NUDT12: variants seen among roughly 807,000 people sequenced by gnomAD.
NUDT12 encodes NAD-capped RNA hydrolase NUDT12.
A neutral mutation model predicts 45.7 loss-of-function variants in NUDT12; 42 were observed. The observed-to-expected ratio is 0.92, with a 90% CI of 0.72 to 1.19. The LOEUF is 1.19. NUDT12 is among the 50% of genes most tolerant of loss of function. The probability of loss-of-function intolerance (pLI) is 0.00; values close to 1 mark genes in which losing one functional copy is unlikely to be tolerated. For missense variants in NUDT12, 590 were observed against 533.1 expected (o/e 1.11, Z -1.05); for synonymous variants, 206 against 179.7 (o/e 1.15, Z -1.17).
chr5:103,550,996 A>G (rs761504695), intron 6 of NUDT12, 25 bp from the exon 7 acceptor site: 6 of 1,497,300 alleles, frequency 4.0e-6, no homozygotes, highest in Non-Finnish European at 4.6e-6. Context: ...AATAGAATGC[A>G]TTAGGATTTC....
In NUDT12 at chr5:103,552,296, C is replaced by A. The variant is rs1212740879; in HGVS notation, c.1199G>T (p.Cys400Phe). The A allele has an allele frequency of 6.2e-7, 1 of 1,613,906 alleles. No individual in the cohort carries two copies. The highest frequency in any genetic ancestry group is 1.1e-5 in the South Asian group (1 of 91,074). ...TTCTGTAGACACTGCTAGAGCTAAGCAACCAATCATTAAGGAGGAAGGCAT... is the reference window on the plus strand; with the variant it reads ...TTCTGTAGACACTGCTAGAGCTAAGAAACCAATCATTAAGGAGGAAGGCAT... Reference protein sequence around the residue: ...WPMPSSLMIGCLALAVSTEIK... With the variant: ...WPMPSSLMIGFLALAVSTEIK... Residue 400 changes from cysteine (C) to phenylalanine (F), a missense_variant, in exon 6 of 7, where the codon TGC becomes TTC. Cys to Phe is a radical substitution (Grantham distance 205). Coordinates refer to ENST00000230792, the MANE Select transcript of NUDT12 (RefSeq NM_031438.4).
intron 4 of NUDT12, among the ~76,000 whole-genome samples, chr5:103,555,515 T>G (rs1748785731): frequency 6.6e-6 from 1 of 152,036 alleles, no homozygotes. Flanking sequence ...GGTTACCAGA[T>G]TTCCAAATCT....
In NUDT12 at chr5:103,549,360, A is replaced by C. The variant is rs371348747; in HGVS notation, c.*1501T>G. 6 of 152,140 alleles carry C rather than the reference A, an allele frequency of 3.9e-5. No homozygotes were observed. The South Asian group carries it at 6.2e-4, about 16-fold the overall frequency. The allele number at this position is 152,140 out of a possible 1,614,324, so 9.4% of individuals were successfully genotyped here. On this transcript the variant is annotated 3_prime_UTR_variant, in exon 7 of 7. Transcript: ENST00000230792. ...CCTAAGAAAATCACTGCTCATTAGT[A>C]AAATAAAGTTTTATCTGACAGTTAT...
At chr5:103,552,553 A>G in intron 5 of NUDT12, 137 bp from the exon 6 acceptor site, 1 of 624,304 alleles carries the variant, frequency 1.6e-6, no homozygotes. Context: ...GCCTAAAACT[A>G]GACTGTAATT....
chr5:103,555,003 T>A, intron 4 of NUDT12, 150 bp from the exon 5 acceptor site: 1 of 402,670 alleles, frequency 2.5e-6, no homozygotes, highest in East Asian at 3.7e-5. Flanking sequence ...CTTTCTGCCC[T>A]AATGTAGCTG....
At chr5:103,551,351 C>G (rs1748649222) in intron 6 of NUDT12, among the ~76,000 whole-genome samples, 1 of 152,146 alleles carries the variant, frequency 6.6e-6, no homozygotes, top group Admixed American at 6.5e-5. Flanking sequence ...TGGGCTCAAT[C>G]AAGCTTCCTG....
intron 5 of NUDT12, among the ~76,000 whole-genome samples, chr5:103,554,018 T>TTA (rs573970525): frequency 1.5e-4 from 23 of 152,030 alleles, no homozygotes; most frequent in Non-Finnish European, 2.8e-4. Context: ...TGATACTGTT[T>TTA]TATATATATG....
Position 103,560,072 on chromosome 5 carries a change from T to G in NUDT12, c.177A>C (p.Pro59=). 6.2e-7 allele frequency: 1 copy of G among 1,613,884 alleles called. No homozygotes were observed. Among genetic ancestry groups the G allele is most frequent in the Non-Finnish European group, 8.5e-7 (1 of 1,179,764 alleles). Residue 59 remains proline (P), a synonymous_variant, in exon 2 of 7, where the codon CCA becomes CCC. Transcript: ENST00000230792. ...ALMYAARNGH[P]EIVQFLLEKG... ...TCTCAAGCAGAAATTGGACTATCTC[T>G]GGGTGCCCATTCCTTGCCGCATACA...
chr5:103,559,460 C>A lies in NUDT12; in HGVS notation c.215G>T (p.Arg72Ile). Reference sequence around the variant, plus strand: ...CTGCCTTGATTTATTGACAATTGATCTGTCACACCTATAGATGGAAGAAAA... The same window carrying A: ...CTGCCTTGATTTATTGACAATTGATATGTCACACCTATAGATGGAAGAAAA... Reference protein sequence around the residue: ...VQFLLEKGCDRSIVNKSRQTA... With the variant: ...VQFLLEKGCDISIVNKSRQTA... Residue 72 changes from arginine (R) to isoleucine (I), a missense_variant, in exon 3 of 7, where the codon AGA becomes ATA. Physicochemically the swap from Arg to Ile is moderately conservative, Grantham distance 97 (BLOSUM62 -3). Coordinates refer to ENST00000230792, the MANE Select transcript of NUDT12 (RefSeq NM_031438.4). 6.7e-7 allele frequency: 1 copy of A among 1,488,476 alleles called. No homozygotes were observed. Among genetic ancestry groups the A allele is most frequent in the Non-Finnish European group, 8.9e-7 (1 of 1,118,734 alleles). 92.2% of individuals were successfully genotyped at this position (1,488,476 alleles called of 1,614,324 possible). A position where few individuals can be genotyped will look rare whatever the true frequency, so the allele number is the denominator to read the frequency against.
At chr5:103,559,545 A>C in intron 2 of NUDT12, 77 bp from the exon 3 acceptor site, 1 of 708,206 alleles carries the variant, frequency 1.4e-6, no homozygotes, top group Non-Finnish European at 2.1e-6. Flanking sequence ...TTTCACTAAA[A>C]TATTTCCAGA....
At position 103,559,233 on chromosome 5, in the gene NUDT12, T is replaced by G; in HGVS notation, c.442A>C (p.Thr148Pro). The change falls in exon 3 of 7, where the codon ACA becomes CCA. Residue 148 changes from threonine (T) to proline (P), a missense_variant. By Grantham distance (38) the Thr-to-Pro change is conservative (BLOSUM62 -1). Coordinates refer to ENST00000230792, the MANE Select transcript of NUDT12 (RefSeq NM_031438.4). ...WLLAKESHPA[T>P]VFILFSDLNP... ...AAATCTGAGAAAAGAATAAAAACTG[T>G]GGCTGGATGGCTTTCTTTAGCTAGC... is the stretch of plus-strand genomic sequence containing the variant. 6.4e-7 allele frequency: 1 copy of G among 1,571,240 alleles called. No homozygotes were observed. The highest frequency in any genetic ancestry group is 8.6e-7 in the Non-Finnish European group (1 of 1,162,326).
In NUDT12 at chr5:103,550,834, A is replaced by C; in HGVS notation, c.*27T>G. The C allele has an allele frequency of 1.4e-6, 2 of 1,464,216 alleles. No homozygotes were observed. Among genetic ancestry groups the C allele is most frequent in the South Asian group, 1.1e-5 (1 of 87,918 alleles). 90.7% of individuals were successfully genotyped at this position (1,464,216 alleles called of 1,614,324 possible). ...AATGAGTGTTATTAGAAATTATTAA[A>C]TAATACTCAAAGCTTAGTTCTTAGA... On this transcript the variant is annotated 3_prime_UTR_variant, in exon 7 of 7. Transcript: ENST00000230792.
At position 103,550,799 on chromosome 5, in the gene NUDT12, T is replaced by C. The variant is rs1397574767; in HGVS notation, c.*62A>G. ...CAAGAGTACTGAATAATCTCTAATA[T>C]CACTTGAGGAATGAGTGTTATTAGA... On this transcript the variant is annotated 3_prime_UTR_variant, in exon 7 of 7. Transcript: ENST00000230792. The C allele has an allele frequency of 1.6e-5, 18 of 1,134,194 alleles. No individual in the cohort carries two copies. Among genetic ancestry groups the C allele is most frequent in the Non-Finnish European group, 2.1e-5 (16 of 752,352 alleles). The allele number at this position is 1,134,194 out of a possible 1,614,324, so 70.3% of individuals were successfully genotyped here.
rs533212596 is a variant in NUDT12, at chr5:103,557,261, A to G, written c.797-1163T>C. ...AGCAAGCAACTAGCTCATTTATCAG[A>G]TCTTTTTGATCTTAAAATGATATAT... On this transcript the variant is annotated intron_variant, in intron 3 of 6. Transcript: ENST00000230792. 1.9e-3 allele frequency among the ~76,000 whole-genome samples: 259 copies of G among 134,488 alleles called. 4 individuals are homozygous for G. Among genetic ancestry groups the G allele is most frequent in the Non-Finnish European group, 3.5e-3 (220 of 62,604 alleles). 88.2% of individuals were successfully genotyped at this position (134,488 alleles called of 152,430 possible). A position where few individuals can be genotyped will look rare whatever the true frequency, so the allele number is the denominator to read the frequency against.
In NUDT12 at chr5:103,554,856, G is replaced by A; in HGVS notation, c.965-3C>T. On this transcript the variant is annotated splice_region_variant and splice_polypyrimidine_tract_variant and intron_variant, in intron 4 of 6. Transcript: ENST00000230792. ...AACTTGCATGATTACTACTGGATCT[G>A]TTGAAAAAAAAAATCAGATACATGA... is the stretch of plus-strand genomic sequence containing the variant. 1 of 1,278,676 alleles carries A rather than the reference G, an allele frequency of 7.8e-7. No individual in the cohort carries two copies. The allele number at this position is 1,278,676 out of a possible 1,614,324, so 79.2% of individuals were successfully genotyped here. A position where few individuals can be genotyped will look rare whatever the true frequency, so the allele number is the denominator to read the frequency against.
At position 103,550,874 on chromosome 5, in the gene NUDT12, T is replaced by C. The variant is rs143870029; in HGVS notation, c.1376A>G (p.Asn459Ser). 2.3e-5 allele frequency: 37 copies of C among 1,608,954 alleles called. No individual in the cohort carries two copies. The highest frequency in any genetic ancestry group is 2.1e-5 in the Non-Finnish European group (25 of 1,175,668). Residue 459 changes from asparagine to serine, a missense_variant, in exon 7 of 7, where the codon AAT (asparagine) becomes AGT (serine). Transcript: ENST00000230792. ...TAGTTCTTAGATTTAGAGATTAGGA[T>C]TTATTCTAATCCAGTGTTTGATTAA... ...HQLIKHWIRI[N>S]PNL
In NUDT12 at chr5:103,561,887, T is replaced by C. The variant is rs12186571; in HGVS notation, c.-7+816A>G. Among the ~76,000 whole-genome samples the C allele has an allele frequency of 5.3e-3, 808 of 152,348 alleles. 8 individuals carry two copies. The highest frequency in any genetic ancestry group is 9.6e-3 in the Non-Finnish European group (656 of 68,036). ...ACCTCCAGGGCAATGCTTATGCATA[T>C]GCTATTCTGTGGAGATGGGAAGTGG... On this transcript the variant is annotated intron_variant, in intron 1 of 6. Transcript: ENST00000230792.
In NUDT12 at chr5:103,562,731, G is replaced by C. The variant is rs1243112437; in HGVS notation, c.-35C>G. 6.9e-6 allele frequency: 1 copy of C among 144,476 alleles called. No individual in the cohort carries two copies. Among genetic ancestry groups the C allele is most frequent in the East Asian group, 2.0e-4 (1 of 4,924 alleles). 8.9% of individuals were successfully genotyped at this position (144,476 alleles called of 1,614,324 possible). A position where few individuals can be genotyped will look rare whatever the true frequency, so the allele number is the denominator to read the frequency against. On this transcript the variant is annotated 5_prime_UTR_variant, in exon 1 of 7. Coordinates refer to ENST00000230792, the MANE Select transcript of NUDT12 (RefSeq NM_031438.4). ...AAGGTGACCACAGTAGAGGCAACCAGGATGCAGTCCAAAGATTGGGATATC... is the reference window on the plus strand; with the variant it reads ...AAGGTGACCACAGTAGAGGCAACCACGATGCAGTCCAAAGATTGGGATATC...
In NUDT12 at chr5:103,559,090, G is replaced by C. The variant is rs915569739; in HGVS notation, c.585C>G (p.Thr195=). The C allele has an allele frequency of 2.5e-6, 4 of 1,612,786 alleles. No individual in the cohort carries two copies. Among genetic ancestry groups the C allele is most frequent in the African/African-American group, 1.3e-5 (1 of 74,960 alleles). The change falls in exon 3 of 7, where the codon ACC becomes ACG. Residue 195 remains threonine, a synonymous_variant. Coordinates refer to ENST00000230792, the MANE Select transcript of NUDT12 (RefSeq NM_031438.4). ...KDYLAQPEKI[T]LIFLGVELEI... Reference sequence around the variant, plus strand: ...CAAGTTCTACTCCAAGAAAAATCAAGGTGATCTTCTCAGGCTGGGCCAAAT... The same window carrying C: ...CAAGTTCTACTCCAAGAAAAATCAACGTGATCTTCTCAGGCTGGGCCAAAT...
Sources: gnomAD v4.1 joint callset for allele counts (sites outside exome capture counted in the v4.1 genomes callset) on GRCh38, gnomAD v4.1.1 for gene constraint, MANE v1.5 for transcripts, NCBI Gene and HGNC (gene_info 2026-07-23, HGNC 2026-07-21) for gene names.